The following GPC5 variants were observed in gnomAD, a reference collection of about 807,000 sequenced individuals.
GPC5 encodes the protein glypican-5.
GPC5 carries 47 observed loss-of-function variants against 53.9 expected under a neutral mutation model. The observed-to-expected ratio is 0.87, with a 90% CI of 0.69 to 1.11. The LOEUF is 1.11. GPC5 is among the 50% of genes most tolerant of loss of function. The pLI is 0.00. For missense variants in GPC5, 748 were observed against 713.1 expected (o/e 1.05, Z -0.56); for synonymous variants, 286 against 263.3 (o/e 1.09, Z -0.84).
intron 6 of GPC5, among the ~76,000 whole-genome samples, chr13:92,052,056 C>A (rs1371009350): frequency 6.6e-6 from 1 of 152,180 alleles, no homozygotes; most frequent in East Asian, 1.9e-4. Context: ...TTCTTGGGAA[C>A]ACTAAAACAG....
chr13:92,200,528 C>G (rs947224280), intron 7 of GPC5, among the ~76,000 whole-genome samples: 1 of 152,164 alleles, frequency 6.6e-6, no homozygotes, highest in Non-Finnish European at 1.5e-5. Flanking sequence ...AAAATTATAA[C>G]AGTTGAGATT....
At chr13:92,210,897 C>T (rs756594940) in intron 7 of GPC5, among the ~76,000 whole-genome samples, 4 of 152,258 alleles carry the variant, frequency 2.6e-5, no homozygotes, top group South Asian at 4.1e-4. Context: ...GCAGACATCA[C>T]GCTTACTTCT....
chr13:92,863,349 C>A (rs1304721772), intron 7 of GPC5, among the ~76,000 whole-genome samples: 1 of 152,078 alleles, frequency 6.6e-6, no homozygotes, highest in Non-Finnish European at 1.5e-5. Context: ...CTATTTTATG[C>A]GACTGTTGTG....
chr13:92,023,854 T>A (rs550346750), intron 6 of GPC5, among the ~76,000 whole-genome samples: 4 of 152,166 alleles, frequency 2.6e-5, no homozygotes, highest in Non-Finnish European at 4.4e-5. Flanking sequence ...CAAGACTTGT[T>A]TACATAGAAT....
chr13:91,515,519 AC>A (rs1466273205), intron 2 of GPC5, among the ~76,000 whole-genome samples: 1 of 152,182 alleles, frequency 6.6e-6, no homozygotes, highest in Non-Finnish European at 1.5e-5. Context: ...TGGTTAAATA[AC>A]TTGCCTAAGG....
intron 7 of GPC5, among the ~76,000 whole-genome samples, chr13:92,616,542 G>C (rs2139107239): frequency 6.6e-6 from 1 of 152,224 alleles, no homozygotes; most frequent in Non-Finnish European, 1.5e-5. Flanking sequence ...AAATTAGCAA[G>C]GAAGTATTAT....
chr13:91,838,662 G>C (rs987379803), intron 5 of GPC5, among the ~76,000 whole-genome samples: 3 of 152,012 alleles, frequency 2.0e-5, no homozygotes, highest in African/African-American at 7.2e-5. Flanking sequence ...GTACCTTGGT[G>C]GGTAGGAAGG....
At chr13:92,468,431 CTT>C (rs1202462624) in intron 7 of GPC5, among the ~76,000 whole-genome samples, 6 of 152,058 alleles carry the variant, frequency 3.9e-5, no homozygotes, top group Admixed American at 3.3e-4. Flanking sequence ...AGTAACTTGT[CTT>C]TTCATTTCTG....
intron 7 of GPC5, among the ~76,000 whole-genome samples, chr13:92,315,771 C>T (rs942125250): frequency 2.0e-5 from 3 of 152,114 alleles, no homozygotes; most frequent in Non-Finnish European, 4.4e-5. Context: ...TCTTTTCAAA[C>T]TATTTTTCAA....
At chr13:92,123,027 A>G (rs2041663988) in intron 6 of GPC5, among the ~76,000 whole-genome samples, 2 of 152,086 alleles carry the variant, frequency 1.3e-5, no homozygotes, top group Non-Finnish European at 2.9e-5. Context: ...TTTGATCACA[A>G]ATAGATGTGA....
chr13:91,619,475 G>A (rs1438554498), intron 2 of GPC5, among the ~76,000 whole-genome samples: 1 of 152,018 alleles, frequency 6.6e-6, no homozygotes, highest in Non-Finnish European at 1.5e-5. Flanking sequence ...AATTTGCTTT[G>A]GTCTGACACA....
At chr13:91,466,268 C>T (rs1051218922) in intron 2 of GPC5, among the ~76,000 whole-genome samples, 2 of 152,122 alleles carry the variant, frequency 1.3e-5, no homozygotes, top group East Asian at 1.9e-4. Context: ...CTACAGCTTC[C>T]CTGCTGCCAC....
At chr13:92,540,841 T>A (rs1469625288) in intron 7 of GPC5, among the ~76,000 whole-genome samples, 4 of 151,880 alleles carry the variant, frequency 2.6e-5, no homozygotes, top group Non-Finnish European at 4.4e-5. Flanking sequence ...AACCTCAGAA[T>A]GGTAATCATG....
chr13:91,563,263 A>G (rs1594258427), intron 2 of GPC5, among the ~76,000 whole-genome samples: 1 of 152,166 alleles, frequency 6.6e-6, no homozygotes, highest in South Asian at 2.1e-4. Context: ...ACAGATTCAC[A>G]TACACAAACA....
At chr13:92,154,378 C>A (rs1057238636) in intron 7 of GPC5, among the ~76,000 whole-genome samples, 11 of 152,144 alleles carry the variant, frequency 7.2e-5, no homozygotes, top group Non-Finnish European at 1.5e-4. Context: ...TTTTCTTTGG[C>A]AGATACTATC....
At chr13:92,106,488 A>G (rs1373359841) in intron 6 of GPC5, among the ~76,000 whole-genome samples, 1 of 152,076 alleles carries the variant, frequency 6.6e-6, no homozygotes, top group African/African-American at 2.4e-5. Context: ...CTTTTCACTC[A>G]CGAAACATGC....
intron 7 of GPC5, among the ~76,000 whole-genome samples, chr13:92,370,069 G>A (rs9561022): frequency 0.17 from 25,496 of 152,024 alleles, 2,983 homozygotes; most frequent in African/African-American, 0.33. Context: ...AAGGCTGATT[G>A]GTTTCTTAGA....
At chr13:92,338,513 A>G (rs998754266) in intron 7 of GPC5, among the ~76,000 whole-genome samples, 7 of 152,144 alleles carry the variant, frequency 4.6e-5, no homozygotes, top group African/African-American at 1.7e-4. Flanking sequence ...GTTGCTCTTC[A>G]GTAGGTAAAC....
intron 7 of GPC5, among the ~76,000 whole-genome samples, chr13:92,549,884 TACAC>T (rs34914341): frequency 0.024 from 3,389 of 140,854 alleles, 62 homozygotes; most frequent in African/African-American, 0.047. Flanking sequence ...AACACACACA[TACAC>T]ACACACACAC....
Sources: allele counts gnomAD v4.1 joint callset (sites outside exome capture counted in the v4.1 genomes callset), GRCh38; gene constraint gnomAD v4.1.1; transcripts MANE v1.5; gene names NCBI Gene and HGNC (gene_info 2026-07-23, HGNC 2026-07-21).